Variants in TRIP12 observed in about 807,000 individuals in gnomAD.
TRIP12 encodes thyroid hormone receptor interactor 12.
Under a neutral mutation model 244.2 loss-of-function variants are expected in TRIP12, and 25 were observed. That is an observed-to-expected ratio of 0.10 (90% CI 0.07 to 0.14). The LOEUF (loss-of-function observed/expected upper bound fraction) is 0.14. TRIP12 is among the 10% of genes least tolerant of loss of function. TRIP12 has a pLI of 1.00. For synonymous variants in TRIP12, 905 were observed against 873.1 expected (o/e 1.04, Z -0.64); for missense variants, 1,677 against 2,486.4 (o/e 0.67, Z 6.92).
intron 8 of TRIP12, among the ~76,000 whole-genome samples, chr2:229,823,462 C>G (rs777760211): frequency 6.6e-6 from 1 of 151,814 alleles, no homozygotes; most frequent in African/African-American, 2.4e-5. Flanking sequence ...ATCAGGAGGT[C>G]AGGAAATCGA....
At chr2:229,823,919 T>A (rs1294217060) in intron 8 of TRIP12, among the ~76,000 whole-genome samples, 1 of 151,958 alleles carries the variant, frequency 6.6e-6, no homozygotes, top group African/African-American at 2.4e-5. Context: ...AAAAAAAAGT[T>A]CTTTAGGCTA....
intron 2 of TRIP12, among the ~76,000 whole-genome samples, chr2:229,864,080 ACG>A (rs2061064046): frequency 7.7e-6 from 1 of 130,394 alleles, no homozygotes; most frequent in Admixed American, 7.6e-5. Flanking sequence ...GTGTGTGTGC[ACG>A]CGCACACGTG....
chr2:229,807,789 G>C lies in TRIP12; in HGVS notation c.2415C>G (p.Asn805Lys). The change falls in exon 17 of 42, where the codon AAC (asparagine) becomes AAG (lysine). Residue 805 changes from asparagine to lysine, a missense_variant. Physicochemically the swap from Asn to Lys is moderately conservative, Grantham distance 94 (BLOSUM62 0). Around this residue, in one of 11 missense-constraint regions of TRIP12, gnomAD observed 572 missense variants for 867.8 expected, o/e 0.66. Transcript: ENST00000675903. Reference sequence around the variant, plus strand: ...GCCACTGCCATATCGCACCATCTGTGTTCTGTGCATTTCCCTTCTTCAACA... The same window carrying C: ...GCCACTGCCATATCGCACCATCTGTCTTCTGTGCATTTCCCTTCTTCAACA... ...DTMLKKGNAQ[N>K]TDGAIWQWRD... 6.2e-7 allele frequency: 1 copy of C among 1,614,124 alleles called. No individual in the cohort carries two copies. The highest frequency in any genetic ancestry group is 8.5e-7 in the Non-Finnish European group (1 of 1,180,016).
chr2:229,790,788 A>G (rs369954863), intron 30 of TRIP12, among the ~76,000 whole-genome samples: 1 of 152,186 alleles, frequency 6.6e-6, no homozygotes, highest in East Asian at 1.9e-4. Context: ...TTAGGGGCCA[A>G]TTGGCCAATT....
chr2:229,814,965 T>C (rs548075000), intron 11 of TRIP12, 134 bp downstream of exon 11: 19 of 669,286 alleles, frequency 2.8e-5, no homozygotes, highest in Admixed American at 1.1e-4. Flanking sequence ...CTTCAAACTA[T>C]TGATCTGCTG....
intron 1 of TRIP12, among the ~76,000 whole-genome samples, chr2:229,912,742 A>G (rs1236689639): frequency 6.6e-6 from 1 of 152,206 alleles, no homozygotes; most frequent in Non-Finnish European, 1.5e-5. Context: ...GTAAGTTTCA[A>G]CTCATCTACA....
intron 8 of TRIP12, among the ~76,000 whole-genome samples, chr2:229,828,692 G>A (rs929597917): frequency 9.9e-5 from 15 of 152,156 alleles, no homozygotes; most frequent in African/African-American, 3.1e-4. Flanking sequence ...GACTGGACCC[G>A]AGAGGCAGAG....
intron 1 of TRIP12, among the ~76,000 whole-genome samples, chr2:229,910,905 G>A (rs1426731509): frequency 1.3e-5 from 2 of 152,172 alleles, no homozygotes; most frequent in Non-Finnish European, 2.9e-5. Context: ...TGATCACAAA[G>A]TTAAGACTAC....
At chr2:229,783,229 C>T (rs1029643355) in intron 34 of TRIP12, among the ~76,000 whole-genome samples, 1 of 152,212 alleles carries the variant, frequency 6.6e-6, no homozygotes, top group African/African-American at 2.4e-5. Flanking sequence ...ATGAACTTTA[C>T]ATTTCTGTGA....
chr2:229,897,405 T>C (rs1257386668), intron 1 of TRIP12, among the ~76,000 whole-genome samples: 1 of 152,160 alleles, frequency 6.6e-6, no homozygotes, highest in Non-Finnish European at 1.5e-5. Flanking sequence ...CCCAGCACTT[T>C]GGGAGGCCAA....
At chr2:229,785,727 T>C (rs2039815676) in intron 34 of TRIP12, 30 bp downstream of exon 34, 2 of 1,593,200 alleles carry the variant, frequency 1.3e-6, no homozygotes, top group Admixed American at 1.7e-5. Context: ...CAAGTCAAGC[T>C]AAATAACCAT....
intron 4 of TRIP12, among the ~76,000 whole-genome samples, chr2:229,855,665 C>T (rs1290908830): frequency 6.6e-6 from 1 of 151,572 alleles, no homozygotes; most frequent in Non-Finnish European, 1.5e-5. Flanking sequence ...ACCTACTACC[C>T]CCATCTTCAA....
At position 229,807,747 on chromosome 2, in the gene TRIP12, G is replaced by A; in HGVS notation, c.2457C>T (p.Leu819=). The change falls in exon 17 of 42, where the codon CTC becomes CTT. Residue 819 remains leucine, a synonymous_variant. Transcript: ENST00000675903. ...AIWQWRDDRG[L]WHPYNRIDSR... is the part of the protein sequence containing the mutation. Reference sequence around the variant, plus strand: ...TGTCAATCCTGTTATATGGATGCCAGAGGCCCCGATCATCACGCCACTGCC... The same window carrying A: ...TGTCAATCCTGTTATATGGATGCCAAAGGCCCCGATCATCACGCCACTGCC... 1 of 1,614,160 alleles carries A rather than the reference G, an allele frequency of 6.2e-7. No homozygotes were observed. Among genetic ancestry groups the A allele is most frequent in the Non-Finnish European group, 8.5e-7 (1 of 1,180,034 alleles).
At chr2:229,829,806 A>G (rs1242859658) in intron 7 of TRIP12, among the ~76,000 whole-genome samples, 1 of 152,176 alleles carries the variant, frequency 6.6e-6, no homozygotes, top group Admixed American at 6.5e-5. Flanking sequence ...AAAATTAGCC[A>G]GGTGCAGTGG....
chr2:229,858,300 T>C (rs1444763254), intron 4 of TRIP12, among the ~76,000 whole-genome samples: 1 of 152,068 alleles, frequency 6.6e-6, no homozygotes, highest in Non-Finnish European at 1.5e-5. Flanking sequence ...GAGGCGGAGG[T>C]TGCAGTGAGC....
intron 1 of TRIP12, among the ~76,000 whole-genome samples, chr2:229,893,632 A>G (rs1048087251): frequency 2.0e-5 from 3 of 152,086 alleles, no homozygotes; most frequent in Non-Finnish European, 2.9e-5. Context: ...AGTTTTATCA[A>G]TATTTTTACT....
chr2:229,786,352 A>G (rs1195578568), intron 33 of TRIP12, among the ~76,000 whole-genome samples: 1 of 151,692 alleles, frequency 6.6e-6, no homozygotes, highest in South Asian at 2.1e-4. Context: ...ATTTATGCCA[A>G]TATCAGTGCT....
At chr2:229,769,934 C>T (rs1376291016) in intron 39 of TRIP12, among the ~76,000 whole-genome samples, 1 of 152,110 alleles carries the variant, frequency 6.6e-6, no homozygotes, top group Non-Finnish European at 1.5e-5. Context: ...CAATTTGAGG[C>T]CAATGAAATT....
At chr2:229,808,451 G>T (rs1484182187) in intron 15 of TRIP12, 82 bp from the exon 16 acceptor site, 1 of 843,288 alleles carries the variant, frequency 1.2e-6, no homozygotes, top group Admixed American at 2.1e-5. Context: ...GCCCAAGGGG[G>T]GAAAATAATC....
Sources: allele counts gnomAD v4.1 joint callset (sites outside exome capture counted in the v4.1 genomes callset), GRCh38; gene constraint gnomAD v4.1.1; regional missense constraint gnomAD v4.1.1; transcripts MANE v1.5; gene names NCBI Gene and HGNC (gene_info 2026-07-23, HGNC 2026-07-21).